Variants in C10orf90 observed in about 807,000 individuals in gnomAD.
The protein encoded by C10orf90 is (E2-independent) E3 ubiquitin-conjugating enzyme FATS.
In C10orf90, 56 loss-of-function variants were observed where a neutral mutation model predicts 62.5. The observed-to-expected ratio is 0.90, with a 90% CI of 0.72 to 1.12. The LOEUF is 1.12. Among genes scored for constraint, C10orf90 ranks in the 50% most tolerant of loss-of-function variants. The pLI, the probability that C10orf90 is intolerant of heterozygous loss-of-function variation, is 0.00. For missense variants in C10orf90, 970 were observed against 880.4 expected, an observed-to-expected ratio of 1.10 and a Z score of -1.29; for synonymous variants, 386 against 340.4, an observed-to-expected ratio of 1.13 and a Z score of -1.47.
chr10:126,498,390 T>C (rs1862193741), intron 4 of C10orf90, among the ~76,000 whole-genome samples: 1 of 152,198 alleles, frequency 6.6e-6, no homozygotes, highest in African/African-American at 2.4e-5. Flanking sequence ...ATATATTTGC[T>C]GAATGAACAA....
chr10:126,533,405 T>A (rs758342128), intron 2 of C10orf90, among the ~76,000 whole-genome samples: 10 of 152,202 alleles, frequency 6.6e-5, no homozygotes, highest in Non-Finnish European at 1.3e-4. Context: ...ATTCCTACGT[T>A]CCTTGAACAC....
chr10:126,608,475 A>G (rs1329365066), intron 2 of C10orf90, among the ~76,000 whole-genome samples: 1 of 152,240 alleles, frequency 6.6e-6, no homozygotes, highest in African/African-American at 2.4e-5. Flanking sequence ...ATTTTACGAT[A>G]TATGCACTTA....
intron 2 of C10orf90, among the ~76,000 whole-genome samples, chr10:126,514,454 A>G (rs1284123989): frequency 6.6e-6 from 1 of 152,174 alleles, no homozygotes; most frequent in African/African-American, 2.4e-5. Flanking sequence ...CTCTATGTAA[A>G]ATCCCCCACA....
chr10:126,454,381 G>A (rs2134080566), intron 7 of C10orf90, among the ~76,000 whole-genome samples: 1 of 152,026 alleles, frequency 6.6e-6, no homozygotes, highest in East Asian at 1.9e-4. Flanking sequence ...TGCCTGCAGG[G>A]GCTATACCCT....
In C10orf90 at chr10:126,646,620, G is replaced by A. The variant is rs1467170654; in HGVS notation, c.258C>T (p.Phe86=). ...AGGCAGAATGATCTTTGGGGGATGA[G>A]AAGAGTCGACTGTGGATCTAGAAAA... is the stretch of plus-strand genomic sequence containing the variant. The part of the protein sequence containing the change: ...ASRYEIHSRL[F]SSPKDHSAWE... The change falls in exon 2 of 10, where the codon TTC becomes TTT. Residue 86 remains phenylalanine, a synonymous_variant. Transcript: ENST00000488181. 1 of 447,780 alleles carries A rather than the reference G, an allele frequency of 2.2e-6. No individual in the cohort carries two copies. The highest frequency in any genetic ancestry group is 7.2e-5 in the East Asian group (1 of 13,920). The allele number at this position is 447,780 out of a possible 1,614,324, so 27.7% of individuals were successfully genotyped here. A position where few individuals can be genotyped will look rare whatever the true frequency, so the allele number is the denominator to read the frequency against.
rs73378965 is a variant in C10orf90 at position 126,576,613 on chromosome 10, T to G, written c.314-62674A>C. ...GAAAACAGTATATTGAAAAGACATCTGCACCCGCATGTTTGCTGCAGCACT... is the reference window on the plus strand; with the variant it reads ...GAAAACAGTATATTGAAAAGACATCGGCACCCGCATGTTTGCTGCAGCACT... On this transcript the variant is annotated intron_variant, in intron 2 of 9. Transcript: ENST00000488181. 4.2e-3 allele frequency among the ~76,000 whole-genome samples: 637 copies of G among 150,030 alleles called. 8 individuals carry two copies. The highest frequency in any genetic ancestry group is 0.015 in the African/African-American group (617 of 40,930).
intron 2 of C10orf90, among the ~76,000 whole-genome samples, chr10:126,540,737 G>A (rs960945722): frequency 3.3e-5 from 5 of 151,246 alleles, no homozygotes; most frequent in Admixed American, 6.6e-5. Context: ...CTGCCATACT[G>A]CATATCGAAA....
intron 4 of C10orf90, among the ~76,000 whole-genome samples, chr10:126,493,576 C>G (rs11245002): frequency 8.0e-6 from 1 of 124,624 alleles, no homozygotes; most frequent in African/African-American, 3.6e-5. Context: ...AGGCTGGTCT[C>G]GAACTTCTGA....
intron 2 of C10orf90, among the ~76,000 whole-genome samples, chr10:126,614,618 C>T (rs1160483637): frequency 6.6e-6 from 1 of 152,012 alleles, no homozygotes; most frequent in African/African-American, 2.4e-5. Flanking sequence ...GGTTCCCAGT[C>T]CAGGGGAAAT....
chr10:126,610,680 C>T (rs1027614424), intron 2 of C10orf90, among the ~76,000 whole-genome samples: 4 of 152,196 alleles, frequency 2.6e-5, no homozygotes, highest in Admixed American at 2.0e-4. Context: ...ATCATTCTCT[C>T]CACATATTAA....
At chr10:126,624,989 G>A (rs1231456949) in intron 2 of C10orf90, among the ~76,000 whole-genome samples, 1 of 152,190 alleles carries the variant, frequency 6.6e-6, no homozygotes, top group Non-Finnish European at 1.5e-5. Flanking sequence ...AAACTCTATT[G>A]TTAAATCACC....
At chr10:126,539,976 G>T (rs1864335938) in intron 2 of C10orf90, among the ~76,000 whole-genome samples, 1 of 152,086 alleles carries the variant, frequency 6.6e-6, no homozygotes, top group South Asian at 2.1e-4. Context: ...TAAATCCAAG[G>T]GTTTTAACTG....
intron 2 of C10orf90, among the ~76,000 whole-genome samples, chr10:126,581,789 A>C (rs987613821): frequency 1.4e-4 from 21 of 152,184 alleles, no homozygotes; most frequent in African/African-American, 4.8e-4. Context: ...GTTTCCCAGC[A>C]GACTTTGCTG....
intron 2 of C10orf90, among the ~76,000 whole-genome samples, chr10:126,538,397 C>T (rs2133964038): frequency 6.6e-6 from 1 of 152,306 alleles, no homozygotes; most frequent in East Asian, 1.9e-4. Context: ...TGTCATCGAA[C>T]CACAGGAAAC....
intron 1 of C10orf90, among the ~76,000 whole-genome samples, chr10:126,650,582 C>A (rs1564909754): frequency 6.6e-6 from 1 of 152,086 alleles, no homozygotes; most frequent in Non-Finnish European, 1.5e-5. Context: ...ACATTGGAAC[C>A]CATGCTATTA....
At chr10:126,499,251 C>T (rs996798863) in intron 4 of C10orf90, among the ~76,000 whole-genome samples, 2 of 152,126 alleles carry the variant, frequency 1.3e-5, no homozygotes, top group Non-Finnish European at 2.9e-5. Context: ...CAATGGCAGG[C>T]CCCATCTCCA....
intron 2 of C10orf90, among the ~76,000 whole-genome samples, chr10:126,551,930 C>T (rs1017289772): frequency 6.6e-6 from 1 of 152,176 alleles, no homozygotes; most frequent in Admixed American, 6.5e-5. Context: ...CACTGCCTTT[C>T]CAGGGCATTT....
At chr10:126,511,341 T>A (rs1485692644) in intron 3 of C10orf90, among the ~76,000 whole-genome samples, 1 of 152,242 alleles carries the variant, frequency 6.6e-6, no homozygotes, top group Non-Finnish European at 1.5e-5. Flanking sequence ...GAATCTATTC[T>A]TCCCCCAATT....
chr10:126,589,212 G>C (rs1844933125), intron 2 of C10orf90, among the ~76,000 whole-genome samples: 1 of 152,162 alleles, frequency 6.6e-6, no homozygotes, highest in Non-Finnish European at 1.5e-5. Context: ...ATTATGTAAA[G>C]AGAACAAACC....
Sources: allele counts gnomAD v4.1 joint callset (sites outside exome capture counted in the v4.1 genomes callset), GRCh38; gene constraint gnomAD v4.1.1; transcripts MANE v1.5; gene names NCBI Gene and HGNC (gene_info 2026-07-23, HGNC 2026-07-21).